CEP85L: variants seen among roughly 807,000 people sequenced by gnomAD.
CEP85L encodes the protein centrosomal protein of 85 kDa-like.
In CEP85L, 60 loss-of-function variants were observed where a neutral mutation model predicts 100.3. The observed-to-expected ratio is 0.60, with a 90% CI of 0.49 to 0.74. CEP85L has a LOEUF of 0.74. Ranked by LOEUF, CEP85L falls within the 30% of genes least tolerant of loss-of-function variation. The pLI is 0.00. For synonymous variants in CEP85L, 319 were observed against 322.7 expected (o/e 0.99, Z 0.12); for missense variants, 973 against 936.2 (o/e 1.04, Z -0.51).
chr6:118,512,895 CA>C (rs751315337), intron 4 of CEP85L, among the ~76,000 whole-genome samples: 38 of 151,966 alleles, frequency 2.5e-4, no homozygotes, highest in Non-Finnish European at 4.9e-4. Context: ...AAATGTAACT[CA>C]TAATAATAAG....
rs944013339 is a variant in CEP85L at position 118,511,507 on chromosome 6, A to G, written c.1140-92T>C. On this transcript the variant is annotated intron_variant, in intron 4 of 12. Transcript: ENST00000368491. ...AGCTTATTCCTCTTAGATTCCTTTA[A>G]TATTCCTCTTAGATTCTAACAGTCA... 14 of 741,320 alleles carry G rather than the reference A, an allele frequency of 1.9e-5. No individual in the cohort carries two copies. In the Admixed American group the frequency reaches 3.2e-4, roughly 17 times the overall value. The allele number at this position is 741,320 out of a possible 1,614,324, so 45.9% of individuals were successfully genotyped here.
At chr6:118,629,217 G>A (rs1773991064) in intron 2 of CEP85L, among the ~76,000 whole-genome samples, 3 of 152,062 alleles carry the variant, frequency 2.0e-5, no homozygotes, top group Non-Finnish European at 4.4e-5. Context: ...TCAGATTTTG[G>A]TATCAGGGGT....
chr6:118,686,799 C>T (rs955566366), intron 1 of CEP85L, among the ~76,000 whole-genome samples: 6 of 152,104 alleles, frequency 3.9e-5, no homozygotes, highest in African/African-American at 1.4e-4. Flanking sequence ...ATTCTAGGAT[C>T]CAAAACTTCA....
chr6:118,616,322 T>C (rs1773040548), intron 2 of CEP85L, among the ~76,000 whole-genome samples: 1 of 151,468 alleles, frequency 6.6e-6, no homozygotes, highest in Non-Finnish European at 1.5e-5. Flanking sequence ...GCCCAGGAGT[T>C]CAAGACCAAC....
chr6:118,606,013 C>CAAAA (rs61023993), intron 2 of CEP85L, among the ~76,000 whole-genome samples: 1 of 102,006 alleles, frequency 9.8e-6, no homozygotes, highest in Non-Finnish European at 1.9e-5. Context: ...GACTCTGTCT[C>CAAAA]AAAAAAAAAA....
intron 4 of CEP85L, among the ~76,000 whole-genome samples, chr6:118,522,360 C>A (rs1336950457): frequency 6.6e-6 from 1 of 151,966 alleles, no homozygotes; most frequent in African/African-American, 2.4e-5. Flanking sequence ...ATATTAATTT[C>A]AATTATATAA....
At chr6:118,633,706 T>TA (rs1171863246) in intron 1 of CEP85L, among the ~76,000 whole-genome samples, 1 of 152,234 alleles carries the variant, frequency 6.6e-6, no homozygotes, top group African/African-American at 2.4e-5. Context: ...TGTTACAAGT[T>TA]AGATGCAGAA....
At chr6:118,557,831 G>A (rs1391863783) in intron 3 of CEP85L, among the ~76,000 whole-genome samples, 1 of 152,180 alleles carries the variant, frequency 6.6e-6, no homozygotes, top group Admixed American at 6.5e-5. Context: ...TATTTGAATT[G>A]TTTTTGATCT....
At chr6:118,560,317 A>G (rs1779149633) in intron 3 of CEP85L, 1 of 167,078 alleles carries the variant, frequency 6.0e-6, no homozygotes, top group African/African-American at 2.4e-5. Context: ...TGTTATATGT[A>G]TTATACACTA....
At chr6:118,614,144 T>C (rs1031441587) in intron 2 of CEP85L, among the ~76,000 whole-genome samples, 1 of 152,158 alleles carries the variant, frequency 6.6e-6, no homozygotes, top group Non-Finnish European at 1.5e-5. Flanking sequence ...AATCAATTCA[T>C]TGAGGAAAAA....
intron 7 of CEP85L, among the ~76,000 whole-genome samples, chr6:118,482,606 T>C (rs1368461012): frequency 6.6e-6 from 1 of 152,228 alleles, no homozygotes; most frequent in East Asian, 1.9e-4. Context: ...TATCTGGTCA[T>C]GGACACTTGG....
intron 1 of CEP85L, among the ~76,000 whole-genome samples, chr6:118,680,183 C>CT (rs1776604134): frequency 1.3e-5 from 2 of 150,550 alleles, no homozygotes; most frequent in Non-Finnish European, 2.9e-5. Flanking sequence ...GTCCCAGCTA[C>CT]TTGGGAGGCT....
At chr6:118,633,020 TATAA>T (rs1379037554) in intron 1 of CEP85L, among the ~76,000 whole-genome samples, 2 of 152,160 alleles carry the variant, frequency 1.3e-5, no homozygotes, top group Non-Finnish European at 2.9e-5. Flanking sequence ...TGCATGATAA[TATAA>T]ATAGGATATC....
chr6:118,615,565 T>C (rs1772979565), intron 2 of CEP85L, among the ~76,000 whole-genome samples: 1 of 152,210 alleles, frequency 6.6e-6, no homozygotes, highest in Non-Finnish European at 1.5e-5. Flanking sequence ...TCCTAGGAAG[T>C]AACCTCTAAG....
At chr6:118,555,353 G>A (rs1049327554) in intron 3 of CEP85L, among the ~76,000 whole-genome samples, 4 of 151,404 alleles carry the variant, frequency 2.6e-5, no homozygotes, top group Admixed American at 2.0e-4. Flanking sequence ...GCGTGAACCC[G>A]GGAGGTGGAG....
At chr6:118,519,409 A>T (rs1194555680) in intron 4 of CEP85L, among the ~76,000 whole-genome samples, 5 of 135,350 alleles carry the variant, frequency 3.7e-5, no homozygotes, top group African/African-American at 1.4e-4. Context: ...ACCGCACTCC[A>T]GTCTGGGTGA....
At chr6:118,589,649 G>A in intron 2 of CEP85L, 1 of 283,064 alleles carries the variant, frequency 3.5e-6, no homozygotes, top group Non-Finnish European at 7.2e-6. Flanking sequence ...CTCCCCTCAG[G>A]GATAGGATGC....
intron 2 of CEP85L, among the ~76,000 whole-genome samples, chr6:118,612,349 T>C (rs1772683097): frequency 6.6e-6 from 1 of 151,894 alleles, no homozygotes; most frequent in Non-Finnish European, 1.5e-5. Context: ...GGAAAATTTA[T>C]AATAGCATAT....
At chr6:118,574,820 G>A (rs561780656) in intron 2 of CEP85L, among the ~76,000 whole-genome samples, 50 of 152,300 alleles carry the variant, frequency 3.3e-4, no homozygotes, top group Non-Finnish European at 5.7e-4. Context: ...AGTGCGAAGC[G>A]AGTGTGGAGT....
Sources: gnomAD v4.1 joint callset for allele counts (sites outside exome capture counted in the v4.1 genomes callset) on GRCh38, gnomAD v4.1.1 for gene constraint, MANE v1.5 for transcripts, NCBI Gene and HGNC (gene_info 2026-07-23, HGNC 2026-07-21) for gene names.